MGAT5: variants seen among roughly 807,000 people sequenced by gnomAD.
MGAT5 encodes alpha-1,6-mannosylglycoprotein 6-beta-N-acetylglucosaminyltransferase, also known as alpha-1,6-mannosylglycoprotein 6-beta-N-acetylglucosaminyltransferase A.
A neutral mutation model predicts 94.3 loss-of-function variants in MGAT5; 30 were observed. The ratio of observed to expected loss-of-function variants is 0.32; its 90% CI spans 0.24 to 0.43. The LOEUF is 0.43. Ranked by LOEUF, MGAT5 falls within the 20% of genes least tolerant of loss-of-function variation. MGAT5 has a pLI of 1.00. For missense variants in MGAT5, 691 were observed against 905.5 expected (o/e 0.76, Z 3.04); for synonymous variants, 310 against 322.9 (o/e 0.96, Z 0.43).
intron 15 of MGAT5, among the ~76,000 whole-genome samples, chr2:134,446,322 C>T (rs2106440159): frequency 6.6e-6 from 1 of 152,042 alleles, no homozygotes; most frequent in Admixed American, 6.6e-5. Context: ...TAGCTCCTGA[C>T]AATTATATTC....
chr2:134,393,083 C>G (rs1412839484), intron 10 of MGAT5, among the ~76,000 whole-genome samples: 2 of 152,198 alleles, frequency 1.3e-5, no homozygotes, highest in African/African-American at 4.8e-5. Context: ...TCATTTGTTT[C>G]CGTGAATACC....
chr2:134,300,683 G>A (rs374205409), intron 2 of MGAT5, among the ~76,000 whole-genome samples: 1 of 152,066 alleles, frequency 6.6e-6, no homozygotes, highest in Non-Finnish European at 1.5e-5. Context: ...AGCACTGCCA[G>A]CCCACAATGA....
At chr2:134,166,901 A>T (rs1372620091) in intron 1 of MGAT5, among the ~76,000 whole-genome samples, 4 of 152,208 alleles carry the variant, frequency 2.6e-5, no homozygotes, top group South Asian at 2.1e-4. Flanking sequence ...ATAAAACCAG[A>T]TGGTTGATAC....
At chr2:134,267,526 A>G (rs776195520) in intron 1 of MGAT5, among the ~76,000 whole-genome samples, 12 of 152,084 alleles carry the variant, frequency 7.9e-5, no homozygotes, top group Non-Finnish European at 1.6e-4. Context: ...TCCATGTCAC[A>G]CAGTCACAGA....
intron 1 of MGAT5, among the ~76,000 whole-genome samples, chr2:134,125,066 G>A (rs527957669): frequency 6.6e-6 from 1 of 151,794 alleles, no homozygotes; most frequent in Non-Finnish European, 1.5e-5. Flanking sequence ...TGTTATGTTG[G>A]TGATCATCGT....
intron 1 of MGAT5, among the ~76,000 whole-genome samples, chr2:134,243,746 C>A (rs72846766): frequency 1.3e-5 from 2 of 152,074 alleles, no homozygotes; most frequent in Non-Finnish European, 2.9e-5. Flanking sequence ...TTTTTTTAAC[C>A]AAATCAGATT....
At chr2:134,134,950 T>C (rs1558950092) in intron 1 of MGAT5, among the ~76,000 whole-genome samples, 2 of 152,238 alleles carry the variant, frequency 1.3e-5, no homozygotes, top group Non-Finnish European at 2.9e-5. Flanking sequence ...TTTCTTTTGT[T>C]AGGAAATTTA....
At chr2:134,445,731 G>A (rs3791325) in intron 15 of MGAT5, among the ~76,000 whole-genome samples, 19,938 of 152,210 alleles carry the variant, frequency 0.13, 1,971 homozygotes, top group African/African-American at 0.26. Flanking sequence ...GGCACACTGC[G>A]GTGGGGTCTC....
At chr2:134,151,627 C>A (rs1435133908) in intron 1 of MGAT5, among the ~76,000 whole-genome samples, 1 of 107,068 alleles carries the variant, frequency 9.3e-6, no homozygotes, top group Non-Finnish European at 1.9e-5. Context: ...CTCACTCACG[C>A]CCTATGGGAG....
At chr2:134,283,874 C>T (rs1278648649) in intron 2 of MGAT5, among the ~76,000 whole-genome samples, 1 of 151,762 alleles carries the variant, frequency 6.6e-6, no homozygotes, top group Non-Finnish European at 1.5e-5. Context: ...CTGCACTAGG[C>T]TCTCTGAGAA....
chr2:134,153,364 A>G (rs970538626), intron 1 of MGAT5, among the ~76,000 whole-genome samples: 6 of 151,686 alleles, frequency 4.0e-5, no homozygotes, highest in Admixed American at 3.3e-4. Context: ...CTTTTTTTTT[A>G]TTATTAAATT....
upstream of MGAT5, among the ~76,000 whole-genome samples, chr2:134,251,462 A>G (rs1682589297): frequency 2.0e-5 from 3 of 152,166 alleles, no homozygotes; most frequent in Non-Finnish European, 4.4e-5. Context: ...CATTTAGCAG[A>G]TACTTTATTG....
At chr2:134,203,505 C>G (rs888972075) in intron 1 of MGAT5, among the ~76,000 whole-genome samples, 2 of 151,678 alleles carry the variant, frequency 1.3e-5, no homozygotes, top group African/African-American at 4.8e-5. Context: ...TTTTTTTCCC[C>G]AAAAGCTCAG....
At chr2:134,199,616 T>G (rs1472548711) in intron 1 of MGAT5, among the ~76,000 whole-genome samples, 3 of 152,204 alleles carry the variant, frequency 2.0e-5, no homozygotes, top group Admixed American at 6.5e-5. Context: ...TTCTATCGGC[T>G]GCTCCAACAG....
chr2:134,380,272 C>T (rs533803092), intron 10 of MGAT5, among the ~76,000 whole-genome samples: 71 of 152,282 alleles, frequency 4.7e-4, no homozygotes, highest in African/African-American at 1.6e-3. Context: ...GCTAGAAATA[C>T]GCACGTGGCA....
intron 1 of MGAT5, among the ~76,000 whole-genome samples, chr2:134,121,967 A>G (rs1685615682): frequency 6.6e-6 from 1 of 152,048 alleles, no homozygotes; most frequent in Non-Finnish European, 1.5e-5. Context: ...AAAGCATCTG[A>G]GATTTGTGGT....
At chr2:134,310,514 C>G (rs1686585562) in intron 2 of MGAT5, among the ~76,000 whole-genome samples, 1 of 152,096 alleles carries the variant, frequency 6.6e-6, no homozygotes, top group South Asian at 2.1e-4. Context: ...GATTAAAAAA[C>G]AAAACAAAAA....
intron 5 of MGAT5, 81 bp from the exon 6 acceptor site, chr2:134,338,178 T>A: frequency 4.1e-6 from 5 of 1,219,692 alleles, no homozygotes; most frequent in Middle Eastern, 2.1e-4. Flanking sequence ...CCCTTTTAAG[T>A]TTTCAGATGT....
At chr2:134,176,865 G>A (rs1281855335) in intron 1 of MGAT5, among the ~76,000 whole-genome samples, 1 of 152,130 alleles carries the variant, frequency 6.6e-6, no homozygotes, top group Non-Finnish European at 1.5e-5. Flanking sequence ...GCCTTTGGAT[G>A]CCTGGAGGCC....
Sources: gnomAD v4.1 joint callset for allele counts (sites outside exome capture counted in the v4.1 genomes callset) on GRCh38, gnomAD v4.1.1 for gene constraint, MANE v1.5 for transcripts, NCBI Gene and HGNC (gene_info 2026-07-23, HGNC 2026-07-21) for gene names.